Variants in PRKG1 observed in about 807,000 individuals in gnomAD.
The protein encoded by PRKG1 is cGMP-dependent protein kinase 1.
PRKG1 carries 35 observed loss-of-function variants against 88.1 expected under a neutral mutation model. The observed-to-expected ratio is 0.40, with a 90% CI of 0.30 to 0.53. The LOEUF (loss-of-function observed/expected upper bound fraction) is 0.53, where lower values mean the gene tolerates loss of function less well. PRKG1 is among the 20% of genes least tolerant of loss of function. The pLI is 0.59. For missense variants in PRKG1, 540 were observed against 839.8 expected (o/e 0.64, Z 4.41); for synonymous variants, 303 against 292.5 (o/e 1.04, Z -0.37).
At position 51,709,887 on chromosome 10, in the gene PRKG1, G is replaced by A. The variant is rs116613493; in HGVS notation, c.593-94698G>A. Among the ~76,000 whole-genome samples the A allele has an allele frequency of 3.5e-3, 531 of 152,284 alleles. 3 individuals are homozygous for A. Among genetic ancestry groups the A allele is most frequent in the African/African-American group, 0.012 (495 of 41,550 alleles). On this transcript the variant is annotated intron_variant, in intron 3 of 17. Transcript: ENST00000373980. ...AGGAAAGTGTTTGCATCCCCACCAG[G>A]AAGGAAACTTACCTGACACATTTCG... is the stretch of plus-strand genomic sequence containing the variant.
In PRKG1 at chr10:51,618,898, A is replaced by G. The variant is rs547435544; in HGVS notation, c.592+151062A>G. 3.3e-5 allele frequency among the ~76,000 whole-genome samples: 5 copies of G among 150,678 alleles called. No homozygotes were observed. In the South Asian group the frequency reaches 1.0e-3, roughly 32 times the overall value. On this transcript the variant is annotated intron_variant, in intron 3 of 17. Coordinates refer to ENST00000373980, the MANE Select transcript of PRKG1 (RefSeq NM_006258.4). ...ATCCTCCCACCTCAGCCTCAAGAGT[A>G]GCTAGTATTACAGGTGTAAGCCACC...
At chr10:52,245,022 C>T (rs2132387668) in intron 9 of PRKG1, among the ~76,000 whole-genome samples, 1 of 146,390 alleles carries the variant, frequency 6.8e-6, no homozygotes, top group South Asian at 2.1e-4. Context: ...TAAAAGAATA[C>T]TTTTTATTTA....
intron 3 of PRKG1, among the ~76,000 whole-genome samples, chr10:51,552,582 T>A (rs1837166154): frequency 6.6e-6 from 1 of 151,628 alleles, no homozygotes; most frequent in African/African-American, 2.4e-5. Context: ...TAAGAAAATG[T>A]CCTGAAAATT....
intron 3 of PRKG1, among the ~76,000 whole-genome samples, chr10:51,471,140 A>G (rs566205566): frequency 6.9e-6 from 1 of 144,630 alleles, no homozygotes; most frequent in South Asian, 2.2e-4. Flanking sequence ...AAATTTAACA[A>G]CAGTCTTGAG....
intron 4 of PRKG1, among the ~76,000 whole-genome samples, chr10:51,825,659 C>T (rs1172217225): frequency 6.6e-6 from 1 of 152,086 alleles, no homozygotes; most frequent in Non-Finnish European, 1.5e-5. Context: ...CCCATATTTC[C>T]CCTGGAAATA....
At chr10:52,186,825 G>C (rs901482347) in intron 9 of PRKG1, among the ~76,000 whole-genome samples, 12 of 152,074 alleles carry the variant, frequency 7.9e-5, no homozygotes, top group Non-Finnish European at 1.3e-4. Context: ...AATTACATTA[G>C]TATCAGGCAT....
chr10:52,193,438 C>A (rs1276943781), intron 9 of PRKG1, among the ~76,000 whole-genome samples: 1 of 151,038 alleles, frequency 6.6e-6, no homozygotes. Context: ...ATACTAGCTA[C>A]TTGGGAGGCT....
intron 9 of PRKG1, among the ~76,000 whole-genome samples, chr10:52,241,428 G>C (rs1002833846): frequency 1.3e-5 from 2 of 152,098 alleles, no homozygotes; most frequent in Admixed American, 6.6e-5. Context: ...TGCAGAAAAG[G>C]GGATATCTTG....
intron 1 of PRKG1, among the ~76,000 whole-genome samples, chr10:51,126,962 C>T (rs1026106578): frequency 6.6e-6 from 1 of 152,038 alleles, no homozygotes; most frequent in African/African-American, 2.4e-5. Context: ...AAAATTAACT[C>T]AAGATTGATT....
At chr10:51,837,650 G>T (rs896679719) in intron 4 of PRKG1, among the ~76,000 whole-genome samples, 1 of 152,044 alleles carries the variant, frequency 6.6e-6, no homozygotes, top group African/African-American at 2.4e-5. Flanking sequence ...TCTCCTTCAT[G>T]ATCTCATAAC....
chr10:52,225,210 T>A (rs1840362169), intron 9 of PRKG1, among the ~76,000 whole-genome samples: 1 of 152,196 alleles, frequency 6.6e-6, no homozygotes, highest in Non-Finnish European at 1.5e-5. Flanking sequence ...ATTGTGGTTT[T>A]GATTTGCATT....
intron 7 of PRKG1, among the ~76,000 whole-genome samples, chr10:52,114,549 A>C (rs1847643096): frequency 6.7e-6 from 1 of 148,502 alleles, no homozygotes; most frequent in Non-Finnish European, 1.5e-5. Flanking sequence ...CACAGGCCTA[A>C]TATGCTGAAT....
chr10:51,937,995 C>T (rs1025743276), intron 5 of PRKG1, among the ~76,000 whole-genome samples: 6 of 152,004 alleles, frequency 3.9e-5, no homozygotes, highest in Admixed American at 2.6e-4. Context: ...TCATCGACAT[C>T]GTCCGCTCCT....
intron 2 of PRKG1, among the ~76,000 whole-genome samples, chr10:51,248,939 T>C (rs1295952355): frequency 1.3e-5 from 2 of 151,718 alleles, no homozygotes; most frequent in East Asian, 3.9e-4. Context: ...GCCTGAGAAA[T>C]TGGTGATTGA....
At chr10:51,921,993 T>G (rs936195290) in intron 5 of PRKG1, among the ~76,000 whole-genome samples, 1 of 151,968 alleles carries the variant, frequency 6.6e-6, no homozygotes, top group African/African-American at 2.4e-5. Flanking sequence ...GGTATTATTT[T>G]TTACTTAAAT....
chr10:51,842,110 C>T (rs192314875), intron 4 of PRKG1, among the ~76,000 whole-genome samples: 125 of 152,316 alleles, frequency 8.2e-4, no homozygotes, highest in East Asian at 7.7e-4. Context: ...CCCTCGCTGG[C>T]TAAGTGGGTC....
chr10:51,803,072 T>G (rs573248732), intron 3 of PRKG1, among the ~76,000 whole-genome samples: 1 of 152,256 alleles, frequency 6.6e-6, no homozygotes, highest in South Asian at 2.1e-4. Flanking sequence ...CTGTTCCAAC[T>G]CTTAGGAATC....
intron 9 of PRKG1, among the ~76,000 whole-genome samples, chr10:52,170,501 A>C (rs1162507638): frequency 6.6e-6 from 1 of 152,188 alleles, no homozygotes; most frequent in East Asian, 1.9e-4. Flanking sequence ...TAGTGGCTGC[A>C]GGGCTGGCTC....
intron 7 of PRKG1, among the ~76,000 whole-genome samples, chr10:52,116,279 T>G (rs932426477): frequency 1.3e-5 from 2 of 152,170 alleles, no homozygotes; most frequent in South Asian, 4.1e-4. Flanking sequence ...ACGTGTTTAG[T>G]GTAACTACAA....
Sources: gnomAD v4.1 joint callset for allele counts (sites outside exome capture counted in the v4.1 genomes callset) on GRCh38, gnomAD v4.1.1 for gene constraint, MANE v1.5 for transcripts, NCBI Gene and HGNC (gene_info 2026-07-23, HGNC 2026-07-21) for gene names.